DAB1: variants seen among roughly 807,000 people sequenced by gnomAD.
DAB1 encodes disabled homolog 1.
DAB1 carries 15 observed loss-of-function variants against 64.6 expected under a neutral mutation model. The ratio of observed to expected loss-of-function variants is 0.23; its 90% CI spans 0.16 to 0.36. DAB1 has a LOEUF of 0.36. Ranked by LOEUF, DAB1 falls within the 10% of genes least tolerant of loss-of-function variation. The pLI, the probability that DAB1 is intolerant of heterozygous loss-of-function variation, is 1.00. For missense variants in DAB1, 596 were observed against 706.7 expected, an observed-to-expected ratio of 0.84 and a Z score of 1.78; for synonymous variants, 235 against 251.9, an observed-to-expected ratio of 0.93 and a Z score of 0.64.
chr1:57,094,395 C>T (rs930780762), intron 4 of DAB1, among the ~76,000 whole-genome samples: 2 of 152,178 alleles, frequency 1.3e-5, no homozygotes, highest in Non-Finnish European at 2.9e-5. Flanking sequence ...GCAAGTCTAG[C>T]AGCAAGATTC....
intron 3 of DAB1, among the ~76,000 whole-genome samples, chr1:58,498,022 G>A (rs909166724): frequency 5.3e-5 from 8 of 152,080 alleles, no homozygotes; most frequent in African/African-American, 1.9e-4. Flanking sequence ...GAAGCATAGA[G>A]AGAAAATTAT....
At chr1:57,568,222 T>G (rs1000080949) in intron 7 of DAB1, among the ~76,000 whole-genome samples, 3 of 152,188 alleles carry the variant, frequency 2.0e-5, no homozygotes, top group Non-Finnish European at 4.4e-5. Context: ...TGGCTAGCCA[T>G]ATGCAGAAAG....
At chr1:57,906,510 C>T (rs1644553704) in intron 5 of DAB1, among the ~76,000 whole-genome samples, 2 of 152,142 alleles carry the variant, frequency 1.3e-5, no homozygotes, top group African/African-American at 4.8e-5. Context: ...GAGATACAAT[C>T]AGGCCGCCCA....
rs182348424 is a variant in DAB1 at position 57,897,649 on chromosome 1, G to A, written n.388-13487C>T. On this transcript the variant is annotated intron_variant and non_coding_transcript_variant, in intron 5 of 20. Coordinates refer to the DAB1 transcript ENST00000485760. ...ATCCCCCAGGGCCAATATTTTTGAA[G>A]GGATAGGAAAATGGCAAGGAAACGC... Among the ~76,000 whole-genome samples, 291 of 152,224 alleles carry A rather than the reference G, an allele frequency of 1.9e-3. 2 individuals carry two copies. The highest frequency in any genetic ancestry group is 6.8e-3 in the African/African-American group (281 of 41,546).
intron 4 of DAB1, among the ~76,000 whole-genome samples, chr1:58,174,902 A>G (rs1570448041): frequency 6.6e-6 from 1 of 152,318 alleles, no homozygotes; most frequent in Non-Finnish European, 1.5e-5. Context: ...TGCACCAATC[A>G]GCACTCTGTA....
At chr1:57,274,322 GT>G (rs1184039170) in intron 2 of DAB1, among the ~76,000 whole-genome samples, 1 of 152,218 alleles carries the variant, frequency 6.6e-6, no homozygotes, top group Non-Finnish European at 1.5e-5. Flanking sequence ...GGTAGACAAT[GT>G]TCTAAGTCAG....
chr1:57,811,465 TAA>T (rs1457429966), intron 6 of DAB1, among the ~76,000 whole-genome samples: 1 of 152,238 alleles, frequency 6.6e-6, no homozygotes, highest in Non-Finnish European at 1.5e-5. Flanking sequence ...GCCATGATTC[TAA>T]GTTTTCTGAG....
chr1:57,053,600 A>G (rs900467434), intron 9 of DAB1, among the ~76,000 whole-genome samples: 2 of 146,552 alleles, frequency 1.4e-5, no homozygotes, highest in Non-Finnish European at 3.0e-5. Context: ...CAATTCGACA[A>G]TCTCTGTCTT....
intron 3 of DAB1, among the ~76,000 whole-genome samples, chr1:57,142,125 C>G (rs968418574): frequency 2.0e-5 from 3 of 152,078 alleles, no homozygotes; most frequent in Non-Finnish European, 4.4e-5. Context: ...TGATCATGAT[C>G]ATGATGCTTT....
At chr1:57,496,621 A>C (rs552746497) in intron 7 of DAB1, among the ~76,000 whole-genome samples, 66 of 152,360 alleles carry the variant, frequency 4.3e-4, no homozygotes, top group African/African-American at 1.6e-3. Flanking sequence ...AAGCTTGCAC[A>C]AAATCACAGT....
At chr1:57,805,069 G>C (rs1485777837) in intron 6 of DAB1, among the ~76,000 whole-genome samples, 1 of 152,144 alleles carries the variant, frequency 6.6e-6, no homozygotes, top group African/African-American at 2.4e-5. Context: ...TTTAGTACAT[G>C]ATGATCCCTA....
At chr1:57,884,173 A>T (rs1480865078), upstream of DAB1, 4 of 152,374 alleles carry the variant, frequency 2.6e-5, no homozygotes, top group African/African-American at 9.7e-5. Context: ...CTGCAATGAA[A>T]AAACGATGTC....
chr1:58,131,331 C>G lies in DAB1; in HGVS notation n.387+19180G>C, dbSNP rs200231334. ...CATCAGCTCCTTTAAGCACTTCTCTCTATTGGTTATTCTAGTTATACATTC... is the reference window on the plus strand; with the variant it reads ...CATCAGCTCCTTTAAGCACTTCTCTGTATTGGTTATTCTAGTTATACATTC... On this transcript the variant is annotated intron_variant and non_coding_transcript_variant, in intron 5 of 20. Coordinates refer to the DAB1 transcript ENST00000485760. 8.3e-3 allele frequency among the ~76,000 whole-genome samples: 1,033 copies of G among 124,848 alleles called. 7 individuals are homozygous for G. The highest frequency in any genetic ancestry group is 0.026 in the Middle Eastern group (7 of 270). The allele number at this position is 124,848 out of a possible 152,430, so 81.9% of individuals were successfully genotyped here.
At chr1:57,765,730 C>T (rs1358447737) in intron 6 of DAB1, among the ~76,000 whole-genome samples, 1 of 152,176 alleles carries the variant, frequency 6.6e-6, no homozygotes, top group Admixed American at 6.5e-5. Context: ...ACACTCTTCA[C>T]TTGACTTCCA....
intron 3 of DAB1, among the ~76,000 whole-genome samples, chr1:58,417,545 A>T (rs185549172): frequency 6.6e-6 from 1 of 152,232 alleles, no homozygotes; most frequent in Non-Finnish European, 1.5e-5. Flanking sequence ...AGAAAGGCTA[A>T]CTCTTCCTCC....
intron 7 of DAB1, among the ~76,000 whole-genome samples, chr1:57,602,287 A>G (rs1454701016): frequency 6.6e-6 from 1 of 152,292 alleles, no homozygotes; most frequent in East Asian, 1.9e-4. Flanking sequence ...ACCCTTTAAA[A>G]GGTAGGATAG....
intron 3 of DAB1, among the ~76,000 whole-genome samples, chr1:58,416,699 T>C (rs914295488): frequency 6.6e-6 from 1 of 152,194 alleles, no homozygotes; most frequent in African/African-American, 2.4e-5. Flanking sequence ...TTTTATAAAA[T>C]CTTAATATAG....
At chr1:58,001,003 C>T (rs1038471106) in intron 5 of DAB1, among the ~76,000 whole-genome samples, 4 of 152,050 alleles carry the variant, frequency 2.6e-5, no homozygotes, top group African/African-American at 9.7e-5. Context: ...ACCCTTTCTT[C>T]TCTCTTAACT....
intron 5 of DAB1, among the ~76,000 whole-genome samples, chr1:57,987,921 T>C (rs1412322200): frequency 1.3e-5 from 2 of 151,962 alleles, no homozygotes; most frequent in Non-Finnish European, 2.9e-5. Context: ...ACGAGTATAC[T>C]TGGGATGCGA....
Sources: gnomAD v4.1 joint callset for allele counts (sites outside exome capture counted in the v4.1 genomes callset) on GRCh38, gnomAD v4.1.1 for gene constraint, MANE v1.5 for transcripts, NCBI Gene and HGNC (gene_info 2026-07-23, HGNC 2026-07-21) for gene names.